SPON1: variants seen among roughly 807,000 people sequenced by gnomAD.
SPON1 encodes spondin-1.
In SPON1, 52 loss-of-function variants were observed where a neutral mutation model predicts 111.7. That is an observed-to-expected ratio of 0.47 (90% CI 0.37 to 0.59). The LOEUF (loss-of-function observed/expected upper bound fraction) is 0.59. Among genes scored for constraint, SPON1 ranks in the 20% least tolerant of loss-of-function variants. The pLI is 0.00. For missense variants in SPON1, 957 were observed against 1,068.5 expected (o/e 0.90, Z 1.46); for synonymous variants, 410 against 395.8 (o/e 1.04, Z -0.43).
Position 14,259,328 on chromosome 11 carries a change from G to T in SPON1, c.1541G>T (p.Ser514Ile). Residue 514 changes from serine (S) to isoleucine (I), a missense_variant, in exon 12 of 16, where the codon AGC (serine) becomes ATC (isoleucine). By Grantham distance (142) the Ser-to-Ile change is moderately radical. Transcript: ENST00000576479. The surrounding 1 kb of genome is among the most constrained non-coding windows in gnomAD (Gnocchi z 5.0). ...MSEWITWSPC[S>I]ISCGMGMRSR... ...GAGTGGATCACCTGGTCGCCCTGCA[G>T]CATCTCCTGCGGCATGGGCATGAGG... 6.2e-7 allele frequency: 1 copy of T among 1,613,164 alleles called. No homozygotes were observed. Among genetic ancestry groups the T allele is most frequent in the Non-Finnish European group, 8.5e-7 (1 of 1,179,666 alleles).
chr11:14,240,599 G>GTGTGTA (rs1554939564), intron 6 of SPON1, among the ~76,000 whole-genome samples: 1 of 146,504 alleles, frequency 6.8e-6, no homozygotes, highest in Non-Finnish European at 1.5e-5. Context: ...TTGTGTGTGT[G>GTGTGTA]TGTGTGTGTG....
chr11:13,970,855 A>G (rs558943507), intron 1 of SPON1, among the ~76,000 whole-genome samples: 40 of 152,256 alleles, frequency 2.6e-4, no homozygotes, highest in Non-Finnish European at 4.1e-4. Flanking sequence ...CACTCTCTGA[A>G]ATTCTCTCGT....
intron 6 of SPON1, among the ~76,000 whole-genome samples, chr11:14,216,502 G>T (rs1298788277): frequency 4.6e-5 from 7 of 152,240 alleles, no homozygotes; most frequent in African/African-American, 1.7e-4. Context: ...GTTTCTTATT[G>T]TCTTAGTCTG....
At chr11:14,235,797 G>C (rs1459156967) in intron 6 of SPON1, among the ~76,000 whole-genome samples, 4 of 152,088 alleles carry the variant, frequency 2.6e-5, no homozygotes, top group Non-Finnish European at 5.9e-5. Context: ...AGTCAAAAAG[G>C]GGGCAGGGAC....
chr11:14,057,447 A>C (rs1848753171), intron 3 of SPON1, among the ~76,000 whole-genome samples: 1 of 152,252 alleles, frequency 6.6e-6, no homozygotes, highest in Non-Finnish European at 1.5e-5. Context: ...CTGTGATTCT[A>C]AACTAGATAT....
intron 3 of SPON1, among the ~76,000 whole-genome samples, chr11:14,074,335 G>T (rs1256178658): frequency 1.3e-5 from 2 of 152,208 alleles, no homozygotes; most frequent in Non-Finnish European, 2.9e-5. Context: ...AGACCATCAG[G>T]AAGATTGCCT....
intron 6 of SPON1, among the ~76,000 whole-genome samples, chr11:14,223,806 G>T (rs1476935632): frequency 6.6e-6 from 1 of 152,198 alleles, no homozygotes; most frequent in Non-Finnish European, 1.5e-5. Context: ...CTGCCACTGG[G>T]TCTTATCTGG....
intron 5 of SPON1, among the ~76,000 whole-genome samples, chr11:14,113,344 A>G (rs1849239882): frequency 6.6e-6 from 1 of 152,192 alleles, no homozygotes; most frequent in African/African-American, 2.4e-5. Context: ...AGAAACTTGC[A>G]AAGGGGAATT....
At chr11:14,197,265 T>C (rs1554935164) in intron 6 of SPON1, among the ~76,000 whole-genome samples, 3 of 152,114 alleles carry the variant, frequency 2.0e-5, no homozygotes, top group African/African-American at 7.2e-5. Flanking sequence ...GCTCTGTCAA[T>C]TCAGTTGGCA....
intron 5 of SPON1, among the ~76,000 whole-genome samples, chr11:14,103,107 T>C (rs1849156738): frequency 6.6e-6 from 1 of 152,236 alleles, no homozygotes; most frequent in Admixed American, 6.5e-5. Context: ...TTCTGGTGTG[T>C]ATAAGGAAAA....
intron 6 of SPON1, among the ~76,000 whole-genome samples, chr11:14,207,992 G>T (rs1233116006): frequency 1.3e-5 from 2 of 152,184 alleles, no homozygotes; most frequent in East Asian, 3.8e-4. Flanking sequence ...GGAAAGTGTG[G>T]TACATATGTA....
intron 6 of SPON1, among the ~76,000 whole-genome samples, chr11:14,181,237 G>C (rs1368584466): frequency 2.6e-5 from 4 of 152,132 alleles, no homozygotes; most frequent in East Asian, 3.9e-4. Context: ...AGCTACACCA[G>C]ATGGCTTTCC....
At chr11:14,037,915 C>T (rs1848606156) in intron 2 of SPON1, among the ~76,000 whole-genome samples, 1 of 152,240 alleles carries the variant, frequency 6.6e-6, no homozygotes, top group South Asian at 2.1e-4. Context: ...GTCTTAATTC[C>T]AGCACTTTGG....
intron 4 of SPON1, among the ~76,000 whole-genome samples, chr11:14,077,872 AAG>A (rs1310247805): frequency 6.6e-6 from 1 of 152,206 alleles, no homozygotes; most frequent in Non-Finnish European, 1.5e-5. Flanking sequence ...ACGCAGAAAA[AAG>A]AGAAAAATGT....
At chr11:14,216,162 C>A (rs181418988) in intron 6 of SPON1, among the ~76,000 whole-genome samples, 3 of 152,252 alleles carry the variant, frequency 2.0e-5, no homozygotes, top group East Asian at 3.9e-4. Context: ...TGGAAAGATG[C>A]ACATACAGGA....
chr11:13,963,270 T>C, intron 1 of SPON1, 128 bp downstream of exon 1: 1 of 653,928 alleles, frequency 1.5e-6, no homozygotes, highest in Non-Finnish European at 2.5e-6. Flanking sequence ...GCAAGGGCCC[T>C]TCTGTCCTGG....
At chr11:14,038,768 A>G (rs1407189454) in intron 2 of SPON1, among the ~76,000 whole-genome samples, 8 of 152,236 alleles carry the variant, frequency 5.3e-5, no homozygotes, top group African/African-American at 1.9e-4. Flanking sequence ...GCAAAATGGT[A>G]AAGCTGCTTT....
chr11:14,016,131 T>G (rs1373201596), intron 2 of SPON1, among the ~76,000 whole-genome samples: 1 of 152,262 alleles, frequency 6.6e-6, no homozygotes, highest in Non-Finnish European at 1.5e-5. Context: ...CTTCCTAGAT[T>G]CCCTGCTGGT....
chr11:14,009,291 A>G (rs1183485466), intron 2 of SPON1, among the ~76,000 whole-genome samples: 1 of 151,942 alleles, frequency 6.6e-6, no homozygotes, highest in Non-Finnish European at 1.5e-5. Flanking sequence ...TCATCTCTCC[A>G]CCTCATCTTG....
Sources: gnomAD v4.1 joint callset for allele counts (sites outside exome capture counted in the v4.1 genomes callset) on GRCh38, gnomAD v4.1.1 for gene constraint, Gnocchi (gnomAD v3.1) non-coding constraint, MANE v1.5 for transcripts, NCBI Gene and HGNC (gene_info 2026-07-23, HGNC 2026-07-21) for gene names.